FBXO32: variants seen among roughly 807,000 people sequenced by gnomAD.
FBXO32 encodes the protein F-box protein 32.
In FBXO32, 15 loss-of-function variants were observed where a neutral mutation model predicts 48.3. That is an observed-to-expected ratio of 0.31 (90% CI 0.21 to 0.48). The LOEUF (loss-of-function observed/expected upper bound fraction) is 0.48. FBXO32 is among the 20% of genes least tolerant of loss of function. The pLI, the probability that FBXO32 is intolerant of heterozygous loss-of-function variation, is 0.99. For missense variants in FBXO32, 309 were observed against 432.7 expected (o/e 0.71, Z 2.54); for synonymous variants, 154 against 165.9 (o/e 0.93, Z 0.55).
At position 123,513,949 on chromosome 8, in the gene FBXO32, G is replaced by A. The variant is rs910126305; in HGVS notation, c.466+291C>T. 2.5e-5 allele frequency: 8 copies of A among 322,970 alleles called. No individual in the cohort carries two copies. The highest frequency in any genetic ancestry group is 1.7e-4 in the African/African-American group (8 of 46,858). 20.0% of individuals were successfully genotyped at this position (322,970 alleles called of 1,614,324 possible). ...CTAGGAATTTGGGACCCGGAGGCTCGGTAGCCAGTGTTGGGACCTGTGTCT... is the reference window on the plus strand; with the variant it reads ...CTAGGAATTTGGGACCCGGAGGCTCAGTAGCCAGTGTTGGGACCTGTGTCT... On this transcript the variant is annotated intron_variant, in intron 5 of 8. Coordinates refer to ENST00000517956, the MANE Select transcript of FBXO32 (RefSeq NM_058229.4). This position sits in a 1 kb window ranked among gnomAD's most constrained non-coding sequence, Gnocchi z 4.3.
At chr8:123,530,064 A>C (rs934291856) in intron 4 of FBXO32, among the ~76,000 whole-genome samples, 2 of 152,198 alleles carry the variant, frequency 1.3e-5, no homozygotes, top group African/African-American at 2.4e-5. Flanking sequence ...GACCTCCGTG[A>C]ACTTGCAGAG....
Position 123,513,517 on chromosome 8 carries a change from C to G in FBXO32, c.467-135G>C. 1 of 758,748 alleles carries G rather than the reference C, an allele frequency of 1.3e-6. No homozygotes were observed. The highest frequency in any genetic ancestry group is 2.1e-6 in the Non-Finnish European group (1 of 478,794). The allele number at this position is 758,748 out of a possible 1,614,324, so 47.0% of individuals were successfully genotyped here. A position where few individuals can be genotyped will look rare whatever the true frequency, so the allele number is the denominator to read the frequency against. The stretch of plus-strand genomic sequence containing the variant: ...TCTGGGGATATGGTTTTCTTCCTCA[C>G]CAGTGTTTATTGTACGCTTGGCCAA... On this transcript the variant is annotated intron_variant, in intron 5 of 8. Coordinates refer to ENST00000517956, the MANE Select transcript of FBXO32 (RefSeq NM_058229.4). The surrounding 1 kb of genome is among the most constrained non-coding windows in gnomAD (Gnocchi z 4.3).
Position 123,525,790 on chromosome 8 carries a change from C to T in FBXO32, c.372+6108G>A, listed in dbSNP as rs549215968. On this transcript the variant is annotated intron_variant, in intron 4 of 8. Coordinates refer to ENST00000517956, the MANE Select transcript of FBXO32 (RefSeq NM_058229.4). The surrounding 1 kb of genome is among the most constrained non-coding windows in gnomAD (Gnocchi z 4.3). Reference sequence around the variant, plus strand: ...ACAGCTTGACTGTGCTTATCAAAGACGTAGATATACAAAGATGGAATTCGT... The same window carrying T: ...ACAGCTTGACTGTGCTTATCAAAGATGTAGATATACAAAGATGGAATTCGT... 6.6e-6 allele frequency among the ~76,000 whole-genome samples: 1 copy of T among 152,092 alleles called. No homozygotes were observed. The highest frequency in any genetic ancestry group is 6.6e-5 in the Admixed American group (1 of 15,264).
rs989743452 is a variant in FBXO32 at position 123,506,372 on chromosome 8, G to C, written c.834+20C>G. 1.1e-5 allele frequency: 18 copies of C among 1,611,198 alleles called. No individual in the cohort carries two copies. Among genetic ancestry groups the C allele is most frequent in the Non-Finnish European group, 1.5e-5 (18 of 1,179,340 alleles). On this transcript the variant is annotated intron_variant, in intron 7 of 8. Coordinates refer to ENST00000517956, the MANE Select transcript of FBXO32 (RefSeq NM_058229.4). This position sits in a 1 kb window ranked among gnomAD's most constrained non-coding sequence, Gnocchi z 4.0. ...GCCAGAGAAGGAGGGTGGGAGGAAA[G>C]CCCACTGGGCCTTGCTGACCTGCCG...
At chr8:123,533,848 T>G (rs1817257288) in intron 2 of FBXO32, among the ~76,000 whole-genome samples, 1 of 151,224 alleles carries the variant, frequency 6.6e-6, no homozygotes, top group South Asian at 2.1e-4. Flanking sequence ...CTGAGTTACA[T>G]GCTGTGAACA....
chr8:123,532,091 G>A, intron 3 of FBXO32, 101 bp from the exon 4 acceptor site: 2 of 1,541,362 alleles, frequency 1.3e-6, no homozygotes, highest in South Asian at 1.3e-5. Flanking sequence ...TTTGCCGAAT[G>A]AGCTTGATGC....
At chr8:123,527,903 T>C (rs1404261567) in intron 4 of FBXO32, among the ~76,000 whole-genome samples, 1 of 152,238 alleles carries the variant, frequency 6.6e-6, no homozygotes, top group Non-Finnish European at 1.5e-5. Context: ...TAGGAGGGGC[T>C]GTCCTCTTTC....
At chr8:123,518,219 T>C (rs1816878569) in intron 4 of FBXO32, among the ~76,000 whole-genome samples, 2 of 152,242 alleles carry the variant, frequency 1.3e-5, no homozygotes, top group Admixed American at 1.3e-4. Flanking sequence ...ACAGTAATAG[T>C]ACCTACTTCA....
At chr8:123,519,083 G>A (rs142010394) in intron 4 of FBXO32, among the ~76,000 whole-genome samples, 196 of 152,198 alleles carry the variant, frequency 1.3e-3, no homozygotes, top group African/African-American at 4.5e-3. Context: ...TTTCAGCCTC[G>A]CAAAGTGCTG....
chr8:123,528,127 A>G (rs772828454), intron 4 of FBXO32, among the ~76,000 whole-genome samples: 21 of 152,240 alleles, frequency 1.4e-4, no homozygotes, highest in Admixed American at 1.3e-3. Flanking sequence ...ACCACCTTCA[A>G]CTAATTAAAT....
At chr8:123,532,235 G>A (rs72709031) in intron 3 of FBXO32, 85,076 of 1,251,344 alleles carry the variant, frequency 0.068, 3,134 homozygotes, top group African/African-American at 0.079. Context: ...TTCGTGACTT[G>A]TACCATTTGG....
chr8:123,520,018 C>G (rs768349901), intron 4 of FBXO32, among the ~76,000 whole-genome samples: 5 of 152,158 alleles, frequency 3.3e-5, no homozygotes, highest in Non-Finnish European at 5.9e-5. Flanking sequence ...GAGCTCCTGA[C>G]CTCAGGTGAT....
At chr8:123,528,594 C>A (rs1401143959) in intron 4 of FBXO32, among the ~76,000 whole-genome samples, 1 of 152,076 alleles carries the variant, frequency 6.6e-6, no homozygotes, top group East Asian at 1.9e-4. Context: ...TAGCTTGTAG[C>A]CAGTGAAAAT....
At chr8:123,507,594 T>A (rs1481633003) in intron 6 of FBXO32, among the ~76,000 whole-genome samples, 1 of 152,184 alleles carries the variant, frequency 6.6e-6, no homozygotes, top group Non-Finnish European at 1.5e-5. Context: ...ACTGCTGGTC[T>A]GTGGATGATA....
chr8:123,533,490 T>A (rs562217213), intron 2 of FBXO32, among the ~76,000 whole-genome samples: 8 of 152,160 alleles, frequency 5.3e-5, no homozygotes, highest in South Asian at 2.1e-4. Flanking sequence ...ACTACTATAT[T>A]TTTTTTTCTA....
At chr8:123,503,551 C>T in intron 8 of FBXO32, 89 bp from the exon 9 acceptor site, 1 of 932,464 alleles carries the variant, frequency 1.1e-6, no homozygotes, top group Admixed American at 2.1e-5. Context: ...TTCAAAGCAA[C>T]AATTCTCTGT....
In FBXO32 at chr8:123,503,378, A is replaced by G; in HGVS notation, c.1063T>C (p.Phe355Leu). ...GTGTTGTCATGTGCTGGGATTCAGA[A>G]CTTGAACAAGTTGATAAAGTCCTGG... The part of the protein sequence containing the change: ...SPQDFINLFK[F>L] Residue 355 changes from phenylalanine to leucine, a missense_variant, in exon 9 of 9, where the codon TTC (phenylalanine) becomes CTC (leucine). Coordinates refer to ENST00000517956, the MANE Select transcript of FBXO32 (RefSeq NM_058229.4). The G allele has an allele frequency of 1.9e-6, 3 of 1,614,114 alleles. No individual in the cohort carries two copies. Among genetic ancestry groups the G allele is most frequent in the Non-Finnish European group, 2.5e-6 (3 of 1,179,960 alleles).
chr8:123,529,411 G>C (rs943014785), intron 4 of FBXO32, among the ~76,000 whole-genome samples: 7 of 152,190 alleles, frequency 4.6e-5, no homozygotes, highest in Non-Finnish European at 1.0e-4. Flanking sequence ...ATTAGCGGCT[G>C]ACTTTGCACA....
In FBXO32 at chr8:123,510,765, G is replaced by T. The variant is rs1220075149; in HGVS notation, c.651+2433C>A. ...TTCATTCATTCAGCTCAGATTTACT[G>T]ACTGTCTCCGGCTCTGTGCCAGGAA... On this transcript the variant is annotated intron_variant, in intron 6 of 8. Transcript: ENST00000517956. 2.6e-5 allele frequency among the ~76,000 whole-genome samples: 4 copies of T among 152,216 alleles called. No homozygotes were observed. The South Asian group carries it at 8.3e-4, about 32-fold the overall frequency.
Sources: gnomAD v4.1 joint callset for allele counts (sites outside exome capture counted in the v4.1 genomes callset) on GRCh38, gnomAD v4.1.1 for gene constraint, Gnocchi (gnomAD v3.1) non-coding constraint, MANE v1.5 for transcripts, NCBI Gene and HGNC (gene_info 2026-07-23, HGNC 2026-07-21) for gene names.